Variants in BCKDHB observed in about 807,000 individuals in gnomAD.
The protein encoded by BCKDHB is branched chain keto acid dehydrogenase E1 subunit beta.
Under a neutral mutation model 48.5 loss-of-function variants are expected in BCKDHB, and 41 were observed. The observed-to-expected ratio is 0.85, with a 90% confidence interval of 0.66 to 1.10. BCKDHB has a LOEUF of 1.10. Ranked by LOEUF, BCKDHB falls within the 50% of genes least tolerant of loss-of-function variation. The pLI, the probability that BCKDHB is intolerant of heterozygous loss-of-function variation, is 0.00. For synonymous variants in BCKDHB, 201 were observed against 174.8 expected, an observed-to-expected ratio of 1.15 and a Z score of -1.18; for missense variants, 496 against 494.2, an observed-to-expected ratio of 1.00 and a Z score of -0.03.
Position 80,149,156 on chromosome 6 carries a change from C to T in BCKDHB, c.344-18522C>T, listed in dbSNP as rs571793553. Among the ~76,000 whole-genome samples the T allele has an allele frequency of 1.8e-3, 268 of 152,180 alleles. 2 individuals carry two copies. Among genetic ancestry groups the T allele is most frequent in the East Asian group, 0.01 (54 of 5,176 alleles). On this transcript the variant is annotated intron_variant, in intron 3 of 9. Coordinates refer to ENST00000320393, the MANE Select transcript of BCKDHB (RefSeq NM_183050.4). ...ACAAACAACCCCATCAAAAAGTGGG[C>T]GAAGGACATGAACAGACACTTCTCA...
At chr6:80,256,202 A>C (rs920101075) in intron 8 of BCKDHB, among the ~76,000 whole-genome samples, 18 of 152,196 alleles carry the variant, frequency 1.2e-4, no homozygotes, top group Admixed American at 7.2e-4. Context: ...TTGTATATAC[A>C]CAGTAATGCA....
the BCKDHB span, among the ~76,000 whole-genome samples, chr6:80,377,999 C>T: frequency 1.3e-5 from 2 of 152,150 alleles, no homozygotes; most frequent in Non-Finnish European, 2.9e-5. Flanking sequence ...TAATTTATTT[C>T]AACAATGTTT....
chr6:80,302,787 A>T (rs1767655491), intron 9 of BCKDHB, among the ~76,000 whole-genome samples: 1 of 152,192 alleles, frequency 6.6e-6, no homozygotes. Flanking sequence ...CTGTTAAAGG[A>T]AAAAGAGAAA....
At chr6:80,154,218 C>T (rs981374173) in intron 3 of BCKDHB, among the ~76,000 whole-genome samples, 3 of 152,224 alleles carry the variant, frequency 2.0e-5, no homozygotes, top group Non-Finnish European at 4.4e-5. Context: ...TTGTAAGTTG[C>T]GTGAGGACAG....
chr6:80,406,316 T>C, the BCKDHB span, among the ~76,000 whole-genome samples: 2 of 152,224 alleles, frequency 1.3e-5, no homozygotes, highest in Admixed American at 1.3e-4. Flanking sequence ...AGTAGCATGA[T>C]TTATAATCCT....
the BCKDHB span, among the ~76,000 whole-genome samples, chr6:80,395,332 C>T: frequency 6.6e-6 from 1 of 152,174 alleles, no homozygotes; most frequent in African/African-American, 2.4e-5. Context: ...TTGCTAGAGA[C>T]TTCTTGAATG....
At chr6:80,136,869 A>G (rs1403823692) in intron 3 of BCKDHB, among the ~76,000 whole-genome samples, 4 of 152,166 alleles carry the variant, frequency 2.6e-5, no homozygotes, top group African/African-American at 9.6e-5. Context: ...AAGATGCTCA[A>G]CATCATCAAT....
At chr6:80,181,911 TACAA>T (rs1463661853) in intron 6 of BCKDHB, among the ~76,000 whole-genome samples, 2 of 152,176 alleles carry the variant, frequency 1.3e-5, no homozygotes, top group African/African-American at 4.8e-5. Context: ...TACTGAAAAG[TACAA>T]ACAAAGATAA....
intron 9 of BCKDHB, among the ~76,000 whole-genome samples, chr6:80,293,914 C>T (rs1767078058): frequency 6.6e-6 from 1 of 152,136 alleles, no homozygotes; most frequent in African/African-American, 2.4e-5. Context: ...CATTTCCCAA[C>T]AAGTTCTTCA....
intron 3 of BCKDHB, among the ~76,000 whole-genome samples, chr6:80,143,198 A>G (rs72908834): frequency 0.051 from 7,799 of 152,234 alleles, 250 homozygotes; most frequent in Non-Finnish European, 0.079. Flanking sequence ...TGTGATAGCC[A>G]TAGCAGCTGT....
intron 3 of BCKDHB, among the ~76,000 whole-genome samples, chr6:80,142,190 A>G (rs1219021737): frequency 6.6e-6 from 1 of 152,074 alleles, no homozygotes; most frequent in Non-Finnish European, 1.5e-5. Flanking sequence ...GAGGAAATCT[A>G]TGTACGTAGT....
At chr6:80,215,657 G>A (rs540211376) in intron 8 of BCKDHB, among the ~76,000 whole-genome samples, 18 of 152,130 alleles carry the variant, frequency 1.2e-4, no homozygotes, top group African/African-American at 4.3e-4. Flanking sequence ...CATGCCATGG[G>A]GTCTATTTTT....
the BCKDHB span, among the ~76,000 whole-genome samples, chr6:80,422,417 T>G: frequency 5.3e-5 from 8 of 152,050 alleles, no homozygotes; most frequent in Non-Finnish European, 8.8e-5. Flanking sequence ...AAAGGTGGGG[T>G]TGGTGCACCC....
At position 80,171,285 on chromosome 6, in the gene BCKDHB, G is replaced by T. The variant is rs994415333; in HGVS notation, c.637G>T (p.Val213Phe). 1 of 1,603,414 alleles carries T rather than the reference G, an allele frequency of 6.2e-7. No individual in the cohort carries two copies. The highest frequency in any genetic ancestry group is 8.5e-7 in the Non-Finnish European group (1 of 1,172,938). ...TTAAAAAAATCTGTTTTTGCAGGTGGTTATACCCAGAAGCCCTTTCCAGGC... is the reference window on the plus strand; with the variant it reads ...TTAAAAAAATCTGTTTTTGCAGGTGTTTATACCCAGAAGCCCTTTCCAGGC... The part of the protein sequence containing the change: ...FFAHCPGIKV[V>F]IPRSPFQAKG... The change falls in exon 6 of 10, where the codon GTT (valine) becomes TTT (phenylalanine). Residue 213 changes from valine (V) to phenylalanine (F), a missense_variant. Physicochemically the swap from Val to Phe is conservative, Grantham distance 50 (BLOSUM62 -1). Transcript: ENST00000320393.
At chr6:80,289,094 A>G (rs181131013) in intron 9 of BCKDHB, among the ~76,000 whole-genome samples, 1 of 152,318 alleles carries the variant, frequency 6.6e-6, no homozygotes, top group African/African-American at 2.4e-5. Context: ...TGAATGGCCA[A>G]TTCATGTATA....
the BCKDHB span, among the ~76,000 whole-genome samples, chr6:80,459,403 C>A: frequency 6.6e-6 from 1 of 152,076 alleles, no homozygotes; most frequent in South Asian, 2.1e-4. Flanking sequence ...CTGCATGATT[C>A]CACTCATATG....
At chr6:80,149,628 C>G (rs1488831684) in intron 3 of BCKDHB, among the ~76,000 whole-genome samples, 1 of 151,210 alleles carries the variant, frequency 6.6e-6, no homozygotes. Flanking sequence ...CACATATACA[C>G]CATGGAATAC....
chr6:80,327,807 T>G (rs1288876726), intron 9 of BCKDHB, among the ~76,000 whole-genome samples: 1 of 152,092 alleles, frequency 6.6e-6, no homozygotes, highest in Non-Finnish European at 1.5e-5. Context: ...TTCAGAATAA[T>G]GCCTCTTAAA....
chr6:80,135,268 G>C lies in BCKDHB; in HGVS notation c.343+6039G>C, dbSNP rs570985894. 2.0e-5 allele frequency among the ~76,000 whole-genome samples: 3 copies of C among 152,040 alleles called. No individual in the cohort carries two copies. The South Asian group carries it at 6.2e-4, about 32-fold the overall frequency. Reference sequence around the variant, plus strand: ...ATGGCAATCTGTGAGATGGGGGTTTGGTTTCTGGGTTGTTGAAACTAATTT... The same window carrying C: ...ATGGCAATCTGTGAGATGGGGGTTTCGTTTCTGGGTTGTTGAAACTAATTT... On this transcript the variant is annotated intron_variant, in intron 3 of 9. Coordinates refer to ENST00000320393, the MANE Select transcript of BCKDHB (RefSeq NM_183050.4).
Sources: allele counts gnomAD v4.1 joint callset (sites outside exome capture counted in the v4.1 genomes callset), GRCh38; gene constraint gnomAD v4.1.1; transcripts MANE v1.5; gene names NCBI Gene and HGNC (gene_info 2026-07-23, HGNC 2026-07-21).